CARD10: variants seen among roughly 807,000 people sequenced by gnomAD.
The protein encoded by CARD10 is caspase recruitment domain-containing protein 10.
CARD10 carries 49 observed loss-of-function variants against 114.6 expected under a neutral mutation model. That is an observed-to-expected ratio of 0.43 (90% CI 0.34 to 0.54). The LOEUF (loss-of-function observed/expected upper bound fraction) is 0.54. CARD10 is among the 20% of genes least tolerant of loss of function. The pLI, the probability that CARD10 is intolerant of heterozygous loss-of-function variation, is 0.03. For synonymous variants in CARD10, 602 were observed against 593.2 expected (o/e 1.01, Z -0.21); for missense variants, 1,206 against 1,397.2 (o/e 0.86, Z 2.18).
intron 2 of CARD10, 136 bp downstream of exon 2, chr22:37,517,835 G>T: frequency 8.5e-7 from 1 of 1,175,220 alleles, no homozygotes; most frequent in Non-Finnish European, 1.2e-6. Flanking sequence ...CCCTGGGCAA[G>T]CCCCTTCAGC....
intron 11 of CARD10, among the ~76,000 whole-genome samples, chr22:37,498,867 G>T (rs1923104497): frequency 7.5e-6 from 1 of 134,026 alleles, no homozygotes; most frequent in Non-Finnish European, 1.6e-5. Context: ...ACACGAAGCT[G>T]ACAATGACAC....
chr22:37,517,819 G>A (rs955852269), intron 2 of CARD10, 152 bp downstream of exon 2: 7 of 970,430 alleles, frequency 7.2e-6, no homozygotes, highest in South Asian at 2.0e-5. Flanking sequence ...TCAGCCTACC[G>A]TGGGGCCCTG....
At position 37,496,782 on chromosome 22, in the gene CARD10, G is replaced by A. The variant is rs745664103; in HGVS notation, c.1948-222C>T. On this transcript the variant is annotated intron_variant, in intron 12 of 19. Coordinates refer to ENST00000251973, the MANE Select transcript of CARD10 (RefSeq NM_014550.4). The surrounding 1 kb of genome is among the most constrained non-coding windows in gnomAD (Gnocchi z 4.1). Reference sequence around the variant, plus strand: ...CGCCCAGCTCATCCAGGTCTTTCTCGACTTGAAGCGCAGGAATGTAACGTG... The same window carrying A: ...CGCCCAGCTCATCCAGGTCTTTCTCAACTTGAAGCGCAGGAATGTAACGTG... The A allele has an allele frequency of 9.5e-6, 6 of 633,724 alleles. No individual in the cohort carries two copies. Among genetic ancestry groups the A allele is most frequent in the African/African-American group, 5.5e-5 (3 of 54,168 alleles). The allele number at this position is 633,724 out of a possible 1,614,324, so 39.3% of individuals were successfully genotyped here. A position where few individuals can be genotyped will look rare whatever the true frequency, so the allele number is the denominator to read the frequency against.
intron 11 of CARD10, among the ~76,000 whole-genome samples, chr22:37,499,645 C>T (rs1487800408): frequency 3.3e-5 from 5 of 152,132 alleles, no homozygotes; most frequent in Non-Finnish European, 7.4e-5. Context: ...CCAGCTCAGG[C>T]GCCCCCTCCT....
rs759878546 is a variant in CARD10 at position 37,510,291 on chromosome 22, A to G, written c.830T>C (p.Val277Ala). The G allele has an allele frequency of 1.2e-6, 2 of 1,604,412 alleles. No homozygotes were observed. Among genetic ancestry groups the G allele is most frequent in the Non-Finnish European group, 1.7e-6 (2 of 1,179,170 alleles). The change falls in exon 4 of 20, where the codon GTG becomes GCG. Residue 277 changes from valine (V) to alanine (A), a missense_variant. Physicochemically the swap from Val to Ala is moderately conservative, Grantham distance 64. Transcript: ENST00000251973. The stretch of plus-strand genomic sequence containing the variant: ...AGCACGCAGCTCAGAGACAAGGTCC[A>G]CATTGTCTGGCTCCTTCTCCTTCTC... ...EKEKEKEPDN[V>A]DLVSELRAEN...
chr22:37,505,791 G>A (rs1216529455), intron 7 of CARD10, among the ~76,000 whole-genome samples: 1 of 152,186 alleles, frequency 6.6e-6, no homozygotes, highest in African/African-American at 2.4e-5. Flanking sequence ...TGCGATGAGA[G>A]GATTAGACCA....
chr22:37,513,184 C>T (rs1472486904), intron 3 of CARD10, among the ~76,000 whole-genome samples: 3 of 152,146 alleles, frequency 2.0e-5, no homozygotes, highest in Non-Finnish European at 4.4e-5. Flanking sequence ...AATCTTGACT[C>T]ACTGCAACCT....
chr22:37,506,118 C>G (rs1164349606), intron 7 of CARD10, 74 bp downstream of exon 7: 2 of 1,258,536 alleles, frequency 1.6e-6, no homozygotes, highest in Non-Finnish European at 1.1e-6. Context: ...CCGGCACGTT[C>G]CCAGCCCTGG....
In CARD10 at chr22:37,491,022, G is replaced by T; in HGVS notation, c.*137C>A. ...CGGCAGGGCCAGAGACAGCCTTGGG[G>T]GTGAGAGGCCAGAGCCAAGGGCCCT... On this transcript the variant is annotated 3_prime_UTR_variant, in exon 20 of 20. Transcript: ENST00000251973. The T allele has an allele frequency of 1.4e-6, 1 of 691,868 alleles. No individual in the cohort carries two copies. The highest frequency in any genetic ancestry group is 2.4e-6 in the Non-Finnish European group (1 of 412,778). The allele number at this position is 691,868 out of a possible 1,614,324, so 42.9% of individuals were successfully genotyped here.
Position 37,491,396 on chromosome 22 carries a change from G to A in CARD10, c.2865-3C>T. On this transcript the variant is annotated splice_region_variant and splice_polypyrimidine_tract_variant and intron_variant, in intron 19 of 19. Coordinates refer to ENST00000251973, the MANE Select transcript of CARD10 (RefSeq NM_014550.4). ...AGCCCGGCCGGCCCAGCAGACCCCT[G>A]CCGAGAGAAGAGTGAGCAGCGGTCA... 1 of 1,476,616 alleles carries A rather than the reference G, an allele frequency of 6.8e-7. No homozygotes were observed. The highest frequency in any genetic ancestry group is 1.4e-5 in the African/African-American group (1 of 71,180). 91.5% of individuals were successfully genotyped at this position (1,476,616 alleles called of 1,614,324 possible).
rs1230613051 is a variant in CARD10, at chr22:37,496,409, C to T, written c.2059+40G>A. 3 of 1,469,266 alleles carry T rather than the reference C, an allele frequency of 2.0e-6. No homozygotes were observed. In the South Asian group the frequency reaches 3.4e-5, roughly 17 times the overall value. 91.0% of individuals were successfully genotyped at this position (1,469,266 alleles called of 1,614,324 possible). On this transcript the variant is annotated intron_variant, in intron 13 of 19. Transcript: ENST00000251973. This position sits in a 1 kb window ranked among gnomAD's most constrained non-coding sequence, Gnocchi z 4.1. ...CCCATGCACCACGGGTTAGAGGACC[C>T]CTCTGGGGCCAACAGCTCCGACTCC...
intron 1 of CARD10, 104 bp downstream of exon 1, chr22:37,518,862 G>GC: frequency 7.4e-7 from 1 of 1,345,186 alleles, no homozygotes; most frequent in South Asian, 1.5e-5. Context: ...CGGAGACCGA[G>GC]CCCCAGGGCA....
At position 37,491,878 on chromosome 22, in the gene CARD10, G is replaced by A; in HGVS notation, c.2752-11C>T. 6.3e-7 allele frequency: 1 copy of A among 1,586,882 alleles called. No homozygotes were observed. Among genetic ancestry groups the A allele is most frequent in the Non-Finnish European group, 8.6e-7 (1 of 1,163,406 alleles). On this transcript the variant is annotated splice_polypyrimidine_tract_variant and intron_variant, in intron 18 of 19. Coordinates refer to ENST00000251973, the MANE Select transcript of CARD10 (RefSeq NM_014550.4). ...CAGCAGGCAGTGCTTCTGCTTGGAGGATCGAGGCTACAATGTACTCCTGGG... is the reference window on the plus strand; with the variant it reads ...CAGCAGGCAGTGCTTCTGCTTGGAGAATCGAGGCTACAATGTACTCCTGGG...
At position 37,504,230 on chromosome 22, in the gene CARD10, G is replaced by T; in HGVS notation, c.1590C>A (p.Ser530=). 1.3e-6 allele frequency: 2 copies of T among 1,579,128 alleles called. No homozygotes were observed. Among genetic ancestry groups the T allele is most frequent in the East Asian group, 2.3e-5 (1 of 43,284 alleles). The change falls in exon 9 of 20, where the codon TCC becomes TCA. Residue 530 remains serine (S), a synonymous_variant. Coordinates refer to ENST00000251973, the MANE Select transcript of CARD10 (RefSeq NM_014550.4). The stretch of plus-strand genomic sequence containing the variant: ...CTTCCTCACGCTGCCGGCGGAGGAT[G>T]GAGCCGGCACTGGGGGGGAAGGGCA... ...SILPFPPSAG[S]ILRRQREEDP...
In CARD10 at chr22:37,507,885, G is replaced by C. The variant is rs764010858; in HGVS notation, c.1135C>G (p.His379Asp). 3.7e-6 allele frequency: 6 copies of C among 1,614,106 alleles called. No individual in the cohort carries two copies. Among genetic ancestry groups the C allele is most frequent in the African/African-American group, 1.3e-5 (1 of 74,946 alleles). ...TLQKDCDLYK[H>D]RMATVLAQLE... Reference sequence around the variant, plus strand: ...TGGGCCAGGACAGTGGCCATGCGGTGCTTGTACAGGTCACAGTCCTTCTGC... The same window carrying C: ...TGGGCCAGGACAGTGGCCATGCGGTCCTTGTACAGGTCACAGTCCTTCTGC... Residue 379 changes from histidine (H) to aspartate (D), a missense_variant, in exon 6 of 20, where the codon CAC becomes GAC. Coordinates refer to ENST00000251973, the MANE Select transcript of CARD10 (RefSeq NM_014550.4).
Position 37,497,102 on chromosome 22 carries a change from A to G in CARD10, c.1864T>C (p.Ser622Pro), listed in dbSNP as rs961213225. 6.2e-7 allele frequency: 1 copy of G among 1,614,156 alleles called. No individual in the cohort carries two copies. Among genetic ancestry groups the G allele is most frequent in the Non-Finnish European group, 8.5e-7 (1 of 1,180,018 alleles). Residue 622 changes from serine to proline, a missense_variant, in exon 12 of 20, where the codon TCG becomes CCG. Physicochemically the swap from Ser to Pro is moderately conservative, Grantham distance 74. This residue lies in a region of CARD10 where 1,068 missense variants were observed against 1,179.1 expected (regional missense o/e 0.91). Coordinates refer to ENST00000251973, the MANE Select transcript of CARD10 (RefSeq NM_014550.4). ...CCAGACCATCTGTCCCCATAAAACGACAGTCCATCTGGTCCCTTGTCCTGC... is the reference window on the plus strand; with the variant it reads ...CCAGACCATCTGTCCCCATAAAACGGCAGTCCATCTGGTCCCTTGTCCTGC... Reference protein sequence around the residue: ...EPQDKGPDGLSFYGDRWSGAV... With the variant: ...EPQDKGPDGLPFYGDRWSGAV...
intron 11 of CARD10, among the ~76,000 whole-genome samples, 158 bp downstream of exon 11, chr22:37,502,444 G>A (rs56309037): frequency 0.037 from 5,585 of 152,296 alleles, 151 homozygotes; most frequent in South Asian, 0.087. Context: ...GATCAAGAGC[G>A]GCAGCAGGAT....
At chr22:37,493,198 C>T (rs945681760) in intron 16 of CARD10, among the ~76,000 whole-genome samples, 1 of 152,204 alleles carries the variant, frequency 6.6e-6, no homozygotes, top group Non-Finnish European at 1.5e-5. Flanking sequence ...CACCAGCCTC[C>T]ACTCTCCCTT....
At position 37,504,719 on chromosome 22, in the gene CARD10, G is replaced by C. The variant is rs1923343828; in HGVS notation, c.1434C>G (p.Ser478Arg). 4 of 1,583,446 alleles carry C rather than the reference G, an allele frequency of 2.5e-6. No individual in the cohort carries two copies. Among genetic ancestry groups the C allele is most frequent in the Admixed American group, 1.8e-5 (1 of 55,208 alleles). ...SLCSNLSSTWSLSEFPSPLGG... is the reference protein window; with the variant it reads ...SLCSNLSSTWRLSEFPSPLGG... ...CCAGAGGGGAGGGGAACTCGCTCAG[G>C]CTCCAAGTGCTGCTGAGGTTGGAGC... The change falls in exon 8 of 20, where the codon AGC becomes AGG. Residue 478 changes from serine (S) to arginine (R), a missense_variant. Transcript: ENST00000251973.
Sources: gnomAD v4.1 joint callset for allele counts (sites outside exome capture counted in the v4.1 genomes callset) on GRCh38, gnomAD v4.1.1 for gene constraint, gnomAD v4.1.1 regional missense constraint, Gnocchi (gnomAD v3.1) non-coding constraint, MANE v1.5 for transcripts, NCBI Gene and HGNC (gene_info 2026-07-23, HGNC 2026-07-21) for gene names.